Variants in PIEZO1 observed in about 807,000 individuals in gnomAD.
PIEZO1 encodes piezo type mechanosensitive ion channel component 1 (Er blood group), also known as piezo-type mechanosensitive ion channel component 1.
A neutral mutation model predicts 297.2 loss-of-function variants in PIEZO1; 296 were observed. That is an observed-to-expected ratio of 1.00 (90% CI 0.91 to 1.10). PIEZO1 has a LOEUF of 1.10. PIEZO1 is among the 50% of genes least tolerant of loss of function. PIEZO1 has a pLI of 0.00. For synonymous variants in PIEZO1, 2,427 were observed against 1,507.5 expected (o/e 1.61, Z -14.13); for missense variants, 5,018 against 3,455.5 (o/e 1.45, Z -11.34).
At chr16:88,727,342 G>T in intron 23 of PIEZO1, 150 bp from the exon 24 acceptor site, 1 of 939,596 alleles carries the variant, frequency 1.1e-6, no homozygotes, top group South Asian at 1.7e-5. Context: ...GGGTGTCCCT[G>T]GGGGAGCCCC....
In PIEZO1 at chr16:88,726,978, G is replaced by C; in HGVS notation, c.3456-20C>G. 2 of 1,549,502 alleles carry C rather than the reference G, an allele frequency of 1.3e-6. No individual in the cohort carries two copies. The highest frequency in any genetic ancestry group is 1.7e-6 in the Non-Finnish European group (2 of 1,146,186). The stretch of plus-strand genomic sequence containing the variant: ...TAGGACCTGCCAGGCCGGAGCGTCA[G>C]GGCGGGCGCCCCGGCCACCCCTCCC... On this transcript the variant is annotated intron_variant, in intron 24 of 50. Transcript: ENST00000301015.
chr16:88,719,666 T>C lies in PIEZO1; in HGVS notation c.6379A>G (p.Thr2127Ala). 1.3e-6 allele frequency: 2 copies of C among 1,553,788 alleles called. No individual in the cohort carries two copies. Among genetic ancestry groups the C allele is most frequent in the South Asian group, 1.2e-5 (1 of 84,200 alleles). ...ELRAVMDWVW[T>A]DTTLSLSSWM... ...CTGGACAGGGACAGCGTGGTGTCCG[T>C]CCACACCCAGTCCATCACTGCCCGC... Residue 2127 changes from threonine to alanine, a missense_variant, in exon 44 of 51, where the codon ACG becomes GCG. Thr to Ala is a moderately conservative substitution (Grantham distance 58, BLOSUM62 0). Coordinates refer to ENST00000301015, the MANE Select transcript of PIEZO1 (RefSeq NM_001142864.4).
rs1198210225 is a variant in PIEZO1, at chr16:88,720,183, A to G, written c.6050T>C (p.Val2017Ala). The stretch of plus-strand genomic sequence containing the variant: ...CTTGCGCAGGTAGAGGGCGCGGTCA[A>G]CCACCATGGTACTGAACTGGATCAG... ...MLLIQFSTMVVDRALYLRKTV... is the reference protein window; with the variant it reads ...MLLIQFSTMVADRALYLRKTV... Residue 2017 changes from valine to alanine, a missense_variant, in exon 42 of 51, where the codon GTT (valine) becomes GCT (alanine). Coordinates refer to ENST00000301015, the MANE Select transcript of PIEZO1 (RefSeq NM_001142864.4). 4 of 1,550,396 alleles carry G rather than the reference A, an allele frequency of 2.6e-6. No homozygotes were observed. Among genetic ancestry groups the G allele is most frequent in the East Asian group, 2.4e-5 (1 of 40,934 alleles).
At chr16:88,727,309 C>T (rs2142788845) in intron 23 of PIEZO1, 117 bp from the exon 24 acceptor site, 29 of 1,211,282 alleles carry the variant, frequency 2.4e-5, no homozygotes, top group Non-Finnish European at 3.1e-5. Flanking sequence ...GGAGCGGACA[C>T]ACGTCTGCCT....
chr16:88,753,659 C>T (rs1567685492), intron 1 of PIEZO1, among the ~76,000 whole-genome samples: 2 of 152,216 alleles, frequency 1.3e-5, no homozygotes, highest in African/African-American at 2.4e-5. Context: ...GGCATCCCGG[C>T]CGCAGGGCCA....
chr16:88,736,655 G>A lies in PIEZO1; in HGVS notation c.1280C>T (p.Ala427Val), dbSNP rs560929607. ...GCCGCCTACCATCATGGCAATGAGC[G>A]CGCACACATAGCTCTGGTCCATGAT... ...HLIMDQSYVC[A>V]LIAMMVWSIT... is the part of the protein sequence containing the mutation. Residue 427 changes from alanine (A) to valine (V), a missense_variant, in exon 11 of 51, where the codon GCG becomes GTG. Coordinates refer to ENST00000301015, the MANE Select transcript of PIEZO1 (RefSeq NM_001142864.4). 42 of 1,532,230 alleles carry A rather than the reference G, an allele frequency of 2.7e-5. No individual in the cohort carries two copies. Among genetic ancestry groups the A allele is most frequent in the South Asian group, 9.5e-5 (8 of 83,900 alleles). 94.9% of individuals were successfully genotyped at this position (1,532,230 alleles called of 1,614,324 possible).
At chr16:88,726,166 TCA>T (rs1904408754) in intron 27 of PIEZO1, 116 bp downstream of exon 27, 1 of 802,354 alleles carries the variant, frequency 1.2e-6, no homozygotes. Context: ...CACGCCCATG[TCA>T]CAGAGTGGCA....
At chr16:88,768,449 C>T (rs535991539) in intron 1 of PIEZO1, among the ~76,000 whole-genome samples, 73 of 152,338 alleles carry the variant, frequency 4.8e-4, no homozygotes, top group African/African-American at 1.6e-3. Flanking sequence ...TGCTCAGTTC[C>T]TGGAAAAAGG....
Position 88,722,275 on chromosome 16 carries a change from G to C in PIEZO1, c.4898C>G (p.Ala1633Gly), listed in dbSNP as rs1165031543. 1.3e-6 allele frequency: 2 copies of C among 1,548,496 alleles called. No individual in the cohort carries two copies. The highest frequency in any genetic ancestry group is 1.7e-6 in the Non-Finnish European group (2 of 1,146,808). The change falls in exon 36 of 51, where the codon GCT (alanine) becomes GGT (glycine). Residue 1633 changes from alanine to glycine, a missense_variant. Transcript: ENST00000301015. The part of the protein sequence containing the change: ...EAVTDPGERE[A>G]GASLYQGLMR... ...CAGTCCCTGGTACAGAGAGGCACCAGCCTCACGCTCCCCGGGGTCGGTGAC... is the reference window on the plus strand; with the variant it reads ...CAGTCCCTGGTACAGAGAGGCACCACCCTCACGCTCCCCGGGGTCGGTGAC...
Position 88,723,300 on chromosome 16 carries a change from G to T in PIEZO1, c.4364C>A (p.Ala1455Asp). 1 of 1,539,828 alleles carries T rather than the reference G, an allele frequency of 6.5e-7. No homozygotes were observed. Among genetic ancestry groups the T allele is most frequent in the Admixed American group, 2.0e-5 (1 of 50,998 alleles). The change falls in exon 32 of 51, where the codon GCC (alanine) becomes GAC (aspartate). Residue 1455 changes from alanine (A) to aspartate (D), a missense_variant. Transcript: ENST00000301015. ...QLAYQAWVTNAQAVLRRRQQE... is the reference protein window; with the variant it reads ...QLAYQAWVTNDQAVLRRRQQE... ...CTGCCGCCGCCTCAGCACCGCCTGGGCGTTGGTCACCCATGCCTGGTACGC... is the reference window on the plus strand; with the variant it reads ...CTGCCGCCGCCTCAGCACCGCCTGGTCGTTGGTCACCCATGCCTGGTACGC...
At position 88,719,880 on chromosome 16, in the gene PIEZO1, C is replaced by T. The variant is rs866496325; in HGVS notation, c.6245G>A (p.Arg2082His). 19 of 1,550,456 alleles carry T rather than the reference C, an allele frequency of 1.2e-5. No individual in the cohort carries two copies. The highest frequency in any genetic ancestry group is 2.7e-5 in the African/African-American group (2 of 73,040). ...IYFALSAYQI[R>H]CGYPTRILGN... ...GAGGATGCGGGTGGGGTAGCCGCAG[C>T]GGATCTGGTAGGCGGACAGGGCGAA... The change falls in exon 43 of 51, where the codon CGC becomes CAC. Residue 2082 changes from arginine (R) to histidine (H), a missense_variant. Coordinates refer to ENST00000301015, the MANE Select transcript of PIEZO1 (RefSeq NM_001142864.4).
In PIEZO1 at chr16:88,754,618, C is replaced by T. The variant is rs574210455; in HGVS notation, c.65-5139G>A. On this transcript the variant is annotated intron_variant, in intron 1 of 50. Transcript: ENST00000301015. Reference sequence around the variant, plus strand: ...GAAGGACTGTCACAGGGAGGGCTGCCGGATGGGGCTTTCACAACCTGGACA... The same window carrying T: ...GAAGGACTGTCACAGGGAGGGCTGCTGGATGGGGCTTTCACAACCTGGACA... Among the ~76,000 whole-genome samples, 12 of 152,324 alleles carry T rather than the reference C, an allele frequency of 7.9e-5. No homozygotes were observed. In the South Asian group the frequency reaches 1.2e-3, roughly 16 times the overall value.
intron 2 of PIEZO1, among the ~76,000 whole-genome samples, chr16:88,744,501 G>T (rs893137855): frequency 6.6e-6 from 1 of 151,792 alleles, no homozygotes; most frequent in African/African-American, 2.4e-5. Context: ...CCAGCAGCCC[G>T]GGAAGGAACT....
chr16:88,733,226 A>C, intron 19 of PIEZO1, 52 bp downstream of exon 19: 1 of 1,496,200 alleles, frequency 6.7e-7, no homozygotes, highest in Non-Finnish European at 9.0e-7. Context: ...TCGGGCTGCG[A>C]ATACAGAGTT....
intron 2 of PIEZO1, among the ~76,000 whole-genome samples, chr16:88,748,860 G>T (rs1184234182): frequency 6.7e-6 from 1 of 150,354 alleles, no homozygotes; most frequent in Non-Finnish European, 1.5e-5. Flanking sequence ...TTGAACCTGG[G>T]ATGCGGAGGT....
intron 22 of PIEZO1, 86 bp downstream of exon 22, chr16:88,731,620 C>G: frequency 9.8e-7 from 1 of 1,016,708 alleles, no homozygotes; most frequent in Non-Finnish European, 1.5e-6. Flanking sequence ...GGAGGGTGGA[C>G]AGGAGTCTGG....
chr16:88,715,940 C>A lies in PIEZO1; in HGVS notation c.7309G>T (p.Gly2437Cys). Residue 2437 changes from glycine to cysteine, a missense_variant, in exon 50 of 51, where the codon GGC becomes TGC. By Grantham distance (159) the Gly-to-Cys change is radical. Coordinates refer to ENST00000301015, the MANE Select transcript of PIEZO1 (RefSeq NM_001142864.4). ...CCCCAGCCACTCACTCACCCGTAGC[C>A]AGCCAGGAAGCCGAGGCTCGGTGGG... is the stretch of plus-strand genomic sequence containing the variant. ...VSPPSLGFLA[G>C]YGIMGLYVSI... The A allele has an allele frequency of 6.5e-7, 1 of 1,549,372 alleles. No homozygotes were observed. Among genetic ancestry groups the A allele is most frequent in the Non-Finnish European group, 8.7e-7 (1 of 1,146,336 alleles).
intron 1 of PIEZO1, among the ~76,000 whole-genome samples, chr16:88,779,095 G>A (rs1362905362): frequency 6.7e-6 from 1 of 149,462 alleles, no homozygotes; most frequent in East Asian, 2.0e-4. Context: ...AAGCTGGAGT[G>A]CAGTGGCACG....
intron 5 of PIEZO1, 34 bp from the exon 6 acceptor site, chr16:88,738,770 G>T (rs574296845): frequency 5.3e-6 from 8 of 1,505,326 alleles, no homozygotes; most frequent in Middle Eastern, 1.7e-4. Flanking sequence ...AAGGTCAGGT[G>T]TATCGCACTG....
Sources: gnomAD v4.1 joint callset for allele counts (sites outside exome capture counted in the v4.1 genomes callset) on GRCh38, gnomAD v4.1.1 for gene constraint, MANE v1.5 for transcripts, NCBI Gene and HGNC (gene_info 2026-07-23, HGNC 2026-07-21) for gene names.